Variants in TCERG1L observed in about 807,000 individuals in gnomAD.
TCERG1L encodes the protein transcription elongation regulator 1-like protein.
TCERG1L carries 37 observed loss-of-function variants against 56.3 expected under a neutral mutation model. That is an observed-to-expected ratio of 0.66 (90% confidence interval 0.51 to 0.87). The LOEUF (loss-of-function observed/expected upper bound fraction) is 0.87. Among genes scored for constraint, TCERG1L ranks in the 40% least tolerant of loss-of-function variants. The pLI is 0.00. For missense variants in TCERG1L, 799 were observed against 774.2 expected (o/e 1.03, Z -0.38); for synonymous variants, 324 against 326.3 (o/e 0.99, Z 0.08).
intron 4 of TCERG1L, among the ~76,000 whole-genome samples, chr10:131,243,399 T>G (rs371958917): frequency 6.6e-6 from 1 of 152,104 alleles, no homozygotes; most frequent in Admixed American, 6.5e-5. Flanking sequence ...GTAGCCAACG[T>G]TGCAAACCCC....
At chr10:131,215,065 C>T (rs1034445920) in intron 4 of TCERG1L, among the ~76,000 whole-genome samples, 1 of 152,168 alleles carries the variant, frequency 6.6e-6, no homozygotes, top group Admixed American at 6.5e-5. Context: ...GCAGCCCAGG[C>T]CAGATCCCAC....
intron 3 of TCERG1L, among the ~76,000 whole-genome samples, chr10:131,281,841 A>G (rs1049703174): frequency 1.6e-4 from 25 of 152,158 alleles, no homozygotes; most frequent in Admixed American, 1.5e-3. Context: ...CCTGAGACCA[A>G]TGAAAACCCT....
At chr10:131,106,135 A>G (rs1845349818) in intron 9 of TCERG1L, among the ~76,000 whole-genome samples, 1 of 152,248 alleles carries the variant, frequency 6.6e-6, no homozygotes, top group African/African-American at 2.4e-5. Flanking sequence ...TGACAAAGCA[A>G]GGGAATGTTT....
At chr10:131,277,864 C>T (rs1846409125) in intron 3 of TCERG1L, among the ~76,000 whole-genome samples, 1 of 151,974 alleles carries the variant, frequency 6.6e-6, no homozygotes, top group Non-Finnish European at 1.5e-5. Context: ...GAGCCAGTGG[C>T]AGGTGCCTCC....
At chr10:131,286,802 G>A (rs1395893030) in intron 3 of TCERG1L, among the ~76,000 whole-genome samples, 1 of 152,178 alleles carries the variant, frequency 6.6e-6, no homozygotes, top group South Asian at 2.1e-4. Context: ...CTCACAAATA[G>A]ATCTCTGAGA....
Position 131,166,879 on chromosome 10 carries a change from C to T in TCERG1L, c.863G>A (p.Arg288Lys). 1 of 1,611,180 alleles carries T rather than the reference C, an allele frequency of 6.2e-7. No homozygotes were observed. The highest frequency in any genetic ancestry group is 8.5e-7 in the Non-Finnish European group (1 of 1,179,552). The change falls in exon 5 of 12, where the codon AGG becomes AAG. Residue 288 changes from arginine (R) to lysine (K), a missense_variant. Transcript: ENST00000368642. Reference sequence around the variant, plus strand: ...GCGGGCCACTCGGCCCCGCTCTGTCCTTGTATCTGTTGGGCCAAAGCAGTT... The same window carrying T: ...GCGGGCCACTCGGCCCCGCTCTGTCTTTGTATCTGTTGGGCCAAAGCAGTT... The part of the protein sequence containing the change: ...PLRTSPVSDT[R>K]TERGRVARPP...
Position 131,246,847 on chromosome 10 carries a change from G to T in TCERG1L, c.856+13412C>A, listed in dbSNP as rs548943206. 1.3e-4 allele frequency among the ~76,000 whole-genome samples: 20 copies of T among 152,224 alleles called. No individual in the cohort carries two copies. In the East Asian group the frequency reaches 3.9e-3, roughly 29 times the overall value. ...CCCCTGCCGGGAGCATAGAGGTGGG[G>T]GCCGCACACTCAGCGGACAGGACTC... On this transcript the variant is annotated intron_variant, in intron 4 of 11. Coordinates refer to ENST00000368642, the MANE Select transcript of TCERG1L (RefSeq NM_174937.4).
chr10:131,222,103 G>A (rs1283593467), intron 4 of TCERG1L, among the ~76,000 whole-genome samples: 1 of 152,224 alleles, frequency 6.6e-6, no homozygotes, highest in East Asian at 1.9e-4. Flanking sequence ...AGTCTAGCAA[G>A]CCAGTGAGTA....
intron 11 of TCERG1L, 114 bp downstream of exon 11, chr10:131,098,192 C>G: frequency 7.9e-6 from 9 of 1,134,312 alleles, no homozygotes; most frequent in South Asian, 7.2e-5. Context: ...CTCACACTTT[C>G]GTGTCTGTGG....
chr10:131,137,158 A>C (rs1480026375), intron 7 of TCERG1L, among the ~76,000 whole-genome samples: 1 of 151,760 alleles, frequency 6.6e-6, no homozygotes, highest in Non-Finnish European at 1.5e-5. Flanking sequence ...ACAAACAAAC[A>C]AACAAACAAA....
chr10:131,188,378 A>G (rs1233655454), intron 4 of TCERG1L, among the ~76,000 whole-genome samples: 1 of 152,160 alleles, frequency 6.6e-6, no homozygotes, highest in African/African-American at 2.4e-5. Context: ...GAGATAAAAG[A>G]TTCATCTTGC....
chr10:131,291,024 G>C (rs1530066), intron 3 of TCERG1L, among the ~76,000 whole-genome samples: 115,303 of 152,114 alleles, frequency 0.76, 44,310 homozygotes, highest in Non-Finnish European at 0.82. Flanking sequence ...GAGTAAAGAG[G>C]CAATGTGTTC....
chr10:131,160,875 G>A (rs1845970389), intron 6 of TCERG1L: 1 of 152,184 alleles, frequency 6.6e-6, no homozygotes, highest in Non-Finnish European at 1.5e-5. Context: ...GCAGTGAGAA[G>A]GTTCTAGGGC....
At chr10:131,246,098 C>T (rs1269288326) in intron 4 of TCERG1L, among the ~76,000 whole-genome samples, 11 of 152,160 alleles carry the variant, frequency 7.2e-5, no homozygotes, top group Admixed American at 6.5e-5. Flanking sequence ...TGGTTGGGCA[C>T]CTCCTGGCTA....
chr10:131,179,296 C>G (rs564065589), intron 4 of TCERG1L, among the ~76,000 whole-genome samples: 3 of 152,256 alleles, frequency 2.0e-5, no homozygotes, highest in Non-Finnish European at 4.4e-5. Flanking sequence ...ACGCCCAAGT[C>G]AGGACCATGG....
intron 4 of TCERG1L, among the ~76,000 whole-genome samples, chr10:131,192,607 G>A (rs1213479279): frequency 6.9e-6 from 1 of 144,404 alleles, no homozygotes; most frequent in Admixed American, 6.9e-5. Flanking sequence ...CAACCTAAAC[G>A]CCCAGCAACT....
intron 9 of TCERG1L, among the ~76,000 whole-genome samples, chr10:131,113,723 A>G (rs982555667): frequency 2.8e-5 from 4 of 141,832 alleles, no homozygotes; most frequent in African/African-American, 9.9e-5. Context: ...TCACCTGCAA[A>G]GGGACCCCTG....
At chr10:131,144,133 G>C (rs1845769805) in intron 7 of TCERG1L, among the ~76,000 whole-genome samples, 1 of 152,068 alleles carries the variant, frequency 6.6e-6, no homozygotes, top group Non-Finnish European at 1.5e-5. Flanking sequence ...AAATGTGGCA[G>C]CCATGTTACA....
chr10:131,093,394 G>T, intron 11 of TCERG1L, 76 bp from the exon 12 acceptor site: 1 of 1,533,032 alleles, frequency 6.5e-7, no homozygotes. Flanking sequence ...CAGCGGCACC[G>T]CCTGAGCAAG....
Sources: allele counts gnomAD v4.1 joint callset (sites outside exome capture counted in the v4.1 genomes callset), GRCh38; gene constraint gnomAD v4.1.1; transcripts MANE v1.5; gene names NCBI Gene and HGNC (gene_info 2026-07-23, HGNC 2026-07-21).